The following LLGL2 variants were observed in gnomAD, a reference collection of about 807,000 sequenced individuals.
The protein encoded by LLGL2 is LLGL scribble cell polarity complex component 2.
In LLGL2, 81 loss-of-function variants were observed where a neutral mutation model predicts 123.2. The observed-to-expected ratio is 0.66, with a 90% CI of 0.55 to 0.79. The LOEUF is 0.79. Ranked by LOEUF, LLGL2 falls within the 30% of genes least tolerant of loss-of-function variation. The pLI, the probability that LLGL2 is intolerant of heterozygous loss-of-function variation, is 0.00. For missense variants in LLGL2, 1,273 were observed against 1,414.6 expected (o/e 0.90, Z 1.61); for synonymous variants, 577 against 594.1 (o/e 0.97, Z 0.42).
At position 75,558,643 on chromosome 17, in the gene LLGL2, C is replaced by A; in HGVS notation, c.371+16C>A. 2 of 1,557,840 alleles carry A rather than the reference C, an allele frequency of 1.3e-6. No homozygotes were observed. Among genetic ancestry groups the A allele is most frequent in the Non-Finnish European group, 1.7e-6 (2 of 1,145,538 alleles). On this transcript the variant is annotated intron_variant, in intron 5 of 25. Coordinates refer to ENST00000392550, the MANE Select transcript of LLGL2 (RefSeq NM_001031803.2). The surrounding 1 kb of genome is among the most constrained non-coding windows in gnomAD (Gnocchi z 4.0). Reference sequence around the variant, plus strand: ...GACCCCCAGGGTAAGGGCTCAATCCCCAGCCCCTTCCACTCCCAGCCCAGC... The same window carrying A: ...GACCCCCAGGGTAAGGGCTCAATCCACAGCCCCTTCCACTCCCAGCCCAGC...
chr17:75,569,420 C>A, intron 14 of LLGL2, 95 bp downstream of exon 14: 1 of 1,034,168 alleles, frequency 9.7e-7, no homozygotes, highest in Non-Finnish European at 1.5e-6. Context: ...AACGCACATT[C>A]TGTGTCCTTT....
Position 75,574,223 on chromosome 17 carries a change from C to T in LLGL2, c.2916C>T (p.Pro972=), listed in dbSNP as rs559232777. 9.0e-6 allele frequency: 12 copies of T among 1,329,508 alleles called. No homozygotes were observed. The highest frequency in any genetic ancestry group is 1.1e-5 in the Non-Finnish European group (11 of 1,010,634). The allele number at this position is 1,329,508 out of a possible 1,614,324, so 82.4% of individuals were successfully genotyped here. The part of the protein sequence containing the change: ...GTQSDGEEKQ[P]GLVMERALLS... The stretch of plus-strand genomic sequence containing the variant: ...GCCTCTACCTTCCAGAGAAGCAGCC[C>T]GGCCTGGTGATGGAGCGCGCTCTGC... The change falls in exon 23 of 26, where the codon CCC becomes CCT. Residue 972 remains proline, a synonymous_variant. Transcript: ENST00000392550.
intron 1 of LLGL2, among the ~76,000 whole-genome samples, chr17:75,541,216 G>T (rs2054192282): frequency 6.6e-6 from 1 of 152,212 alleles, no homozygotes; most frequent in Non-Finnish European, 1.5e-5. Flanking sequence ...ATGGCCCTGT[G>T]CCCTCTTGTC....
intron 1 of LLGL2, among the ~76,000 whole-genome samples, chr17:75,537,261 G>A (rs908937708): frequency 6.6e-6 from 1 of 152,198 alleles, no homozygotes; most frequent in African/African-American, 2.4e-5. Context: ...CAGGAGACAT[G>A]CATGAGCCTG....
At position 75,573,152 on chromosome 17, in the gene LLGL2, C is replaced by G. The variant is rs745340362; in HGVS notation, c.2599C>G (p.Leu867Val). Residue 867 changes from leucine to valine, a missense_variant, in exon 20 of 26, where the codon CTT becomes GTT. Coordinates refer to ENST00000392550, the MANE Select transcript of LLGL2 (RefSeq NM_001031803.2). The part of the protein sequence containing the change: ...EDYGEHHLAV[L>V]TNLGDIQVVS... The stretch of plus-strand genomic sequence containing the variant: ...CTACGGGGAGCACCACCTGGCAGTC[C>G]TTACCAACCTGGGCGACATCCAGGT... 18 of 1,613,134 alleles carry G rather than the reference C, an allele frequency of 1.1e-5. No individual in the cohort carries two copies. The highest frequency in any genetic ancestry group is 1.5e-5 in the Non-Finnish European group (18 of 1,179,984).
chr17:75,551,768 T>A (rs1173341074), intron 2 of LLGL2, among the ~76,000 whole-genome samples: 1 of 152,206 alleles, frequency 6.6e-6, no homozygotes, highest in Non-Finnish European at 1.5e-5. Context: ...ATATGAGCCA[T>A]GTATGTGATT....
Position 75,567,403 on chromosome 17 carries a change from G to A in LLGL2, c.1037-1073G>A, listed in dbSNP as rs528085952. Among the ~76,000 whole-genome samples the A allele has an allele frequency of 2.0e-5, 3 of 152,280 alleles. No homozygotes were observed. In the East Asian group the frequency reaches 5.8e-4, roughly 29 times the overall value. ...CTCTTGAACCCGGGAGGCAGAGGTT[G>A]CAGTGAGCCGAGATCATGCCATTGC... On this transcript the variant is annotated intron_variant, in intron 10 of 25. Coordinates refer to ENST00000392550, the MANE Select transcript of LLGL2 (RefSeq NM_001031803.2).
At chr17:75,561,477 A>ATT (rs1000896599) in intron 6 of LLGL2, among the ~76,000 whole-genome samples, 7 of 151,922 alleles carry the variant, frequency 4.6e-5, no homozygotes, top group African/African-American at 1.7e-4. Context: ...AAAAATAAAA[A>ATT]TTAGTTGGGC....
chr17:75,572,733 CAGA>C (rs1193427984), intron 19 of LLGL2, among the ~76,000 whole-genome samples: 1 of 148,552 alleles, frequency 6.7e-6, no homozygotes, highest in Non-Finnish European at 1.5e-5. Context: ...GAGGCTGAGG[CAGA>C]AGAATTGCCT....
intron 1 of LLGL2, among the ~76,000 whole-genome samples, chr17:75,532,335 C>G (rs532282482): frequency 6.6e-6 from 1 of 152,254 alleles, no homozygotes; most frequent in East Asian, 1.9e-4. Context: ...ACTGCAAGCT[C>G]CGCCTCCTGG....
At chr17:75,543,950 C>T (rs534963232) in intron 2 of LLGL2, among the ~76,000 whole-genome samples, 2 of 152,276 alleles carry the variant, frequency 1.3e-5, no homozygotes, top group East Asian at 3.9e-4. Context: ...CTCAAATTGC[C>T]CCTGAAGGAA....
intron 10 of LLGL2, among the ~76,000 whole-genome samples, chr17:75,566,548 A>G (rs187154492): frequency 9.5e-4 from 144 of 152,332 alleles, no homozygotes; most frequent in African/African-American, 3.4e-3. Context: ...TACTCAGCCT[A>G]ATGCCATTGC....
chr17:75,571,086 C>T lies in LLGL2; in HGVS notation c.2162C>T (p.Thr721Ile). 6.2e-7 allele frequency: 1 copy of T among 1,611,784 alleles called. No homozygotes were observed. The change falls in exon 17 of 26, where the codon ACC (threonine) becomes ATC (isoleucine). Residue 721 changes from threonine (T) to isoleucine (I), a missense_variant. Thr to Ile is a moderately conservative substitution (Grantham distance 89). Transcript: ENST00000392550. ...GFVRTLYFADTYLKDSSRHCP... is the reference protein window; with the variant it reads ...GFVRTLYFADIYLKDSSRHCP... ...GTCCGGACCCTGTACTTTGCTGACACCTACCTGAAGGACAGTGAGTGGCCA... is the reference window on the plus strand; with the variant it reads ...GTCCGGACCCTGTACTTTGCTGACATCTACCTGAAGGACAGTGAGTGGCCA...
intron 10 of LLGL2, among the ~76,000 whole-genome samples, chr17:75,565,708 C>T (rs1258225444): frequency 6.6e-6 from 1 of 152,186 alleles, no homozygotes; most frequent in Non-Finnish European, 1.5e-5. Context: ...TGCAATTGTC[C>T]CTCTGTGTCC....
intron 2 of LLGL2, among the ~76,000 whole-genome samples, chr17:75,546,929 C>T (rs546450386): frequency 5.9e-5 from 9 of 151,322 alleles, no homozygotes; most frequent in South Asian, 4.2e-4. Context: ...TTGGTGTAGG[C>T]GAGGGTCAGG....
At chr17:75,563,600 C>T in intron 8 of LLGL2, 137 bp downstream of exon 8, 2 of 1,480,850 alleles carry the variant, frequency 1.4e-6, no homozygotes, top group Non-Finnish European at 1.9e-6. Context: ...GGGTTCGCCT[C>T]ACCCAGTTTC....
Position 75,558,079 on chromosome 17 carries a change from G to T in LLGL2, c.174-76G>T. The T allele has an allele frequency of 7.3e-7, 1 of 1,367,314 alleles. No homozygotes were observed. Among genetic ancestry groups the T allele is most frequent in the Non-Finnish European group, 1.0e-6 (1 of 956,758 alleles). 84.7% of individuals were successfully genotyped at this position (1,367,314 alleles called of 1,614,324 possible). A position where few individuals can be genotyped will look rare whatever the true frequency, so the allele number is the denominator to read the frequency against. On this transcript the variant is annotated intron_variant, in intron 3 of 25. Transcript: ENST00000392550. The surrounding 1 kb of genome is among the most constrained non-coding windows in gnomAD (Gnocchi z 4.0). Reference sequence around the variant, plus strand: ...TCTGTGTTTGCATCATTGCACATGGGCCCCGAGGGCCTGGCACTCAAGGCA... The same window carrying T: ...TCTGTGTTTGCATCATTGCACATGGTCCCCGAGGGCCTGGCACTCAAGGCA...
chr17:75,538,354 T>C (rs942003598), intron 1 of LLGL2, among the ~76,000 whole-genome samples: 4 of 152,200 alleles, frequency 2.6e-5, no homozygotes, highest in African/African-American at 9.6e-5. Flanking sequence ...GATCTCTGCA[T>C]TGGGCCCCCC....
intron 22 of LLGL2, 50 bp downstream of exon 22, chr17:75,574,030 G>C (rs760743054): frequency 3.9e-6 from 6 of 1,550,486 alleles, no homozygotes; most frequent in Non-Finnish European, 5.2e-6. Context: ...ACCCGGCCCA[G>C]ACCTGGGGCT....
Sources: gnomAD v4.1 joint callset for allele counts (sites outside exome capture counted in the v4.1 genomes callset) on GRCh38, gnomAD v4.1.1 for gene constraint, Gnocchi (gnomAD v3.1) non-coding constraint, MANE v1.5 for transcripts, NCBI Gene and HGNC (gene_info 2026-07-23, HGNC 2026-07-21) for gene names.